Variants in SV2C observed in about 807,000 individuals in gnomAD.
The protein encoded by SV2C is solute carrier family 22 member B3.
A neutral mutation model predicts 79.7 loss-of-function variants in SV2C; 49 were observed. The ratio of observed to expected loss-of-function variants is 0.61; its 90% CI spans 0.49 to 0.78. The LOEUF is 0.78. SV2C is among the 30% of genes least tolerant of loss of function. The pLI is 0.00. For missense variants in SV2C, 833 were observed against 912.9 expected (o/e 0.91, Z 1.13); for synonymous variants, 334 against 333.2 (o/e 1.00, Z -0.03).
chr5:76,029,031 T>C, the SV2C span, among the ~76,000 whole-genome samples: 1 of 152,194 alleles, frequency 6.6e-6, no homozygotes, highest in Non-Finnish European at 1.5e-5. Flanking sequence ...AACAAATGAA[T>C]GAGCAACATA....
the SV2C span, among the ~76,000 whole-genome samples, chr5:75,895,266 T>A: frequency 2.6e-5 from 4 of 152,042 alleles, no homozygotes; most frequent in African/African-American, 9.7e-5. Context: ...TTGAAATAAA[T>A]AAGAAAGTAT....
chr5:76,109,449 C>A (rs1379799314), intron 1 of SV2C, among the ~76,000 whole-genome samples: 1 of 152,166 alleles, frequency 6.6e-6, no homozygotes, highest in Non-Finnish European at 1.5e-5. Flanking sequence ...AATGTGGGTT[C>A]ATTTCATATA....
intron 1 of SV2C, among the ~76,000 whole-genome samples, chr5:76,116,980 A>G (rs567441078): frequency 6.6e-6 from 1 of 152,208 alleles, no homozygotes; most frequent in African/African-American, 2.4e-5. Flanking sequence ...CCAGATCTAC[A>G]GAAGGATATG....
At chr5:75,961,548 T>A in the SV2C span, among the ~76,000 whole-genome samples, 1 of 151,946 alleles carries the variant, frequency 6.6e-6, no homozygotes, top group Non-Finnish European at 1.5e-5. Context: ...TATTACATTA[T>A]TCAAAATTAT....
rs181724886 is a variant in SV2C at position 76,264,965 on chromosome 5, T to C, written c.914-20197T>C. Among the ~76,000 whole-genome samples the C allele has an allele frequency of 1.1e-3, 166 of 152,314 alleles. 1 individual carries two copies. The highest frequency in any genetic ancestry group is 1.9e-3 in the South Asian group (9 of 4,832). On this transcript the variant is annotated intron_variant, in intron 4 of 12. Transcript: ENST00000502798. The stretch of plus-strand genomic sequence containing the variant: ...GTCCCTTGGTAGAGCTTGAGCGCTG[T>C]GCTAGGAGAACCTTCCTTGTCAGGA...
the SV2C span, among the ~76,000 whole-genome samples, chr5:75,874,308 CAT>C: frequency 6.6e-6 from 1 of 152,224 alleles, no homozygotes; most frequent in South Asian, 2.1e-4. Context: ...AAAAAAAACA[CAT>C]GATTATCTCA....
chr5:76,034,054 G>C, the SV2C span, among the ~76,000 whole-genome samples: 2 of 150,446 alleles, frequency 1.3e-5, no homozygotes, highest in Admixed American at 1.3e-4. Flanking sequence ...CTGTTTGTCT[G>C]TTTTTGGAGT....
In SV2C at chr5:76,200,518, A is replaced by AT. The variant is rs1580349550; in HGVS notation, c.761+5423dup. 2.6e-5 allele frequency among the ~76,000 whole-genome samples: 4 copies of AT among 152,332 alleles called. No individual in the cohort carries two copies. The South Asian group carries it at 8.3e-4, about 32-fold the overall frequency. ...CCAAGGTTTACCTGTCTGTGTGTTG[A>AT]TTTTATCAAAAATGCTACAGATTTC... On this transcript the variant is annotated intron_variant, in intron 3 of 12. Coordinates refer to ENST00000502798, the MANE Select transcript of SV2C (RefSeq NM_014979.4).
chr5:76,244,706 T>C (rs1745893365), intron 4 of SV2C, among the ~76,000 whole-genome samples: 1 of 152,246 alleles, frequency 6.6e-6, no homozygotes, highest in African/African-American at 2.4e-5. Context: ...TGTCAGTTCA[T>C]ATTCAAGTTG....
At chr5:76,288,867 T>G (rs1747448363) in intron 6 of SV2C, among the ~76,000 whole-genome samples, 1 of 151,950 alleles carries the variant, frequency 6.6e-6, no homozygotes, top group African/African-American at 2.4e-5. Flanking sequence ...TCCTAAGGTC[T>G]CCTTTTCTTT....
chr5:75,851,162 C>A, the SV2C span, among the ~76,000 whole-genome samples: 5 of 152,286 alleles, frequency 3.3e-5, 1 homozygote, highest in South Asian at 1.0e-3. Flanking sequence ...CACGGGATGA[C>A]CCAGCAAAAG....
chr5:76,181,795 C>A (rs1743741887), intron 2 of SV2C, among the ~76,000 whole-genome samples: 1 of 152,242 alleles, frequency 6.6e-6, no homozygotes, highest in African/African-American at 2.4e-5. Context: ...AACAGCCAAA[C>A]AATATCAGGC....
chr5:76,066,995 A>G, the SV2C span, among the ~76,000 whole-genome samples: 1 of 152,152 alleles, frequency 6.6e-6, no homozygotes, highest in Non-Finnish European at 1.5e-5. Flanking sequence ...TTTGGCTTCA[A>G]TCTAGTTTTC....
intron 2 of SV2C, among the ~76,000 whole-genome samples, chr5:76,187,272 A>G (rs1368701042): frequency 2.0e-5 from 3 of 152,204 alleles, no homozygotes; most frequent in African/African-American, 7.2e-5. Flanking sequence ...ATTGGGCTTC[A>G]TTATTAGGCC....
At chr5:75,997,866 A>T in the SV2C span, among the ~76,000 whole-genome samples, 2 of 152,200 alleles carry the variant, frequency 1.3e-5, no homozygotes, top group Non-Finnish European at 2.9e-5. Context: ...ATTATAAATC[A>T]TGCTTCTATA....
chr5:76,281,447 G>A (rs539801690), intron 4 of SV2C, among the ~76,000 whole-genome samples: 18 of 151,646 alleles, frequency 1.2e-4, no homozygotes, highest in African/African-American at 3.4e-4. Context: ...AGAATGCTAC[G>A]GTTCTCCAAC....
chr5:76,291,380 A>T lies in SV2C; in HGVS notation c.1248+49A>T, dbSNP rs758312355. On this transcript the variant is annotated intron_variant, in intron 7 of 12. Transcript: ENST00000502798. ...CCTGCATGTTAATTTATTGCATTTGAGGTTAGTCAGAAGAGGGGTTTACTG... is the reference window on the plus strand; with the variant it reads ...CCTGCATGTTAATTTATTGCATTTGTGGTTAGTCAGAAGAGGGGTTTACTG... 92 of 1,477,694 alleles carry T rather than the reference A, an allele frequency of 6.2e-5. 2 individuals carry two copies. The South Asian group carries it at 9.1e-4, about 15-fold the overall frequency. 91.5% of individuals were successfully genotyped at this position (1,477,694 alleles called of 1,614,324 possible).
At chr5:76,344,996 C>T (rs185026) in intron 12 of SV2C, among the ~76,000 whole-genome samples, 72,348 of 152,064 alleles carry the variant, frequency 0.48, 19,472 homozygotes, top group East Asian at 0.83. Context: ...CGTGCACAAT[C>T]TTAACTACTA....
chr5:76,272,686 T>C (rs984203474), intron 4 of SV2C, among the ~76,000 whole-genome samples: 2 of 152,336 alleles, frequency 1.3e-5, no homozygotes, highest in South Asian at 2.1e-4. Flanking sequence ...CTTGTGGCCT[T>C]ATCTGGTAGA....
Sources: allele counts gnomAD v4.1 joint callset (sites outside exome capture counted in the v4.1 genomes callset), GRCh38; gene constraint gnomAD v4.1.1; transcripts MANE v1.5; gene names NCBI Gene and HGNC (gene_info 2026-07-23, HGNC 2026-07-21).